Variants in TUT4 observed in about 807,000 individuals in gnomAD.
TUT4 encodes the protein terminal uridylyltransferase 4.
In TUT4, 36 loss-of-function variants were observed where a neutral mutation model predicts 192.2. That is an observed-to-expected ratio of 0.19 (90% CI 0.14 to 0.25). The LOEUF is 0.25. Among genes scored for constraint, TUT4 ranks in the 10% least tolerant of loss-of-function variants. TUT4 has a pLI of 1.00. For missense variants in TUT4, 1,493 were observed against 1,957.2 expected, an observed-to-expected ratio of 0.76 and a Z score of 4.47; for synonymous variants, 618 against 666.0, an observed-to-expected ratio of 0.93 and a Z score of 1.11.
chr1:52,516,176 A>G (rs1273316937), intron 2 of TUT4, 122 bp from the exon 3 acceptor site: 6 of 829,176 alleles, frequency 7.2e-6, no homozygotes, highest in Non-Finnish European at 1.1e-5. Flanking sequence ...TTTCCTTAGG[A>G]AAGTATACAA....
chr1:52,507,518 C>T (rs568411652), intron 4 of TUT4, among the ~76,000 whole-genome samples: 18 of 152,180 alleles, frequency 1.2e-4, no homozygotes, highest in African/African-American at 3.6e-4. Flanking sequence ...CACTGTTACT[C>T]TAACTTCACC....
intron 3 of TUT4, chr1:52,514,777 A>ATTTTTTTTT (rs34845083): frequency 7.4e-6 from 1 of 135,602 alleles, no homozygotes; most frequent in Non-Finnish European, 1.6e-5. Flanking sequence ...TTTATTTGTG[A>ATTTTTTTTT]TTTTTTTTTT....
chr1:52,495,410 A>T lies in TUT4; in HGVS notation c.1266+17T>A. On this transcript the variant is annotated intron_variant, in intron 6 of 29. Coordinates refer to ENST00000257177, the MANE Select transcript of TUT4 (RefSeq NM_001009881.3). ...GTACTAGTTAAGAACCACACAGGAA[A>T]GATTCTAATTACTTACCTTGGGAGG... 6.7e-7 allele frequency: 1 copy of T among 1,499,074 alleles called. No homozygotes were observed. Among genetic ancestry groups the T allele is most frequent in the Non-Finnish European group, 9.2e-7 (1 of 1,083,122 alleles). 92.9% of individuals were successfully genotyped at this position (1,499,074 alleles called of 1,614,324 possible).
intron 1 of TUT4, chr1:52,538,645 T>TA (rs372036890): frequency 0.096 from 6,880 of 71,742 alleles, 227 homozygotes; most frequent in African/African-American, 0.15. Context: ...AGACTCTGTC[T>TA]AAAAAAAAAA....
Position 52,526,272 on chromosome 1 carries a change from C to T in TUT4, c.9G>A (p.Glu3=), listed in dbSNP as rs1217637901. Residue 3 remains glutamate (E), a synonymous_variant, in exon 2 of 30, where the codon GAG becomes GAA. Coordinates refer to ENST00000257177, the MANE Select transcript of TUT4 (RefSeq NM_001009881.3). ME[E]SKTLKSENHE... The stretch of plus-strand genomic sequence containing the variant: ...GATTTTCACTTTTTAAGGTTTTAGA[C>T]TCTTCCATTATTTGAAAATCTGTTT... The T allele has an allele frequency of 1.3e-6, 2 of 1,531,278 alleles. No homozygotes were observed. Among genetic ancestry groups the T allele is most frequent in the South Asian group, 2.6e-5 (2 of 76,908 alleles). 94.9% of individuals were successfully genotyped at this position (1,531,278 alleles called of 1,614,324 possible).
intron 2 of TUT4, among the ~76,000 whole-genome samples, chr1:52,516,961 G>A (rs1678871906): frequency 6.6e-6 from 1 of 152,146 alleles, no homozygotes; most frequent in Non-Finnish European, 1.5e-5. Context: ...TAACTTACCT[G>A]TAACTCCAAC....
At position 52,526,140 on chromosome 1, in the gene TUT4, G is replaced by A. The variant is rs1681694850; in HGVS notation, c.141C>T (p.Asn47=). The A allele has an allele frequency of 6.2e-7, 1 of 1,612,490 alleles. No homozygotes were observed. Among genetic ancestry groups the A allele is most frequent in the Admixed American group, 1.7e-5 (1 of 59,818 alleles). The part of the protein sequence containing the change: ...RNDKSVKEIE[N]SSPNRNSSKK... ...TACTACTATTCCTATTTGGAGAGCT[G>A]TTCTCAATTTCTTTTACGGATTTAT... The change falls in exon 2 of 30, where the codon AAC becomes AAT. Residue 47 remains asparagine, a synonymous_variant. Coordinates refer to ENST00000257177, the MANE Select transcript of TUT4 (RefSeq NM_001009881.3).
At chr1:52,444,682 A>G (rs1469750828) in intron 24 of TUT4, among the ~76,000 whole-genome samples, 2 of 149,824 alleles carry the variant, frequency 1.3e-5, no homozygotes, top group Non-Finnish European at 1.5e-5. Flanking sequence ...TCCAGTGAAC[A>G]TAAGGCAAGC....
intron 28 of TUT4, among the ~76,000 whole-genome samples, chr1:52,426,618 T>C (rs1650047745): frequency 6.6e-6 from 1 of 152,152 alleles, no homozygotes; most frequent in Admixed American, 6.5e-5. Flanking sequence ...TCTCAGAAAG[T>C]AAGCAAACCA....
chr1:52,477,685 T>G (rs748890386), intron 12 of TUT4, 23 bp downstream of exon 12: 2 of 1,585,034 alleles, frequency 1.3e-6, no homozygotes, highest in African/African-American at 2.7e-5. Flanking sequence ...ATTCTCCAAA[T>G]GAAATACAAC....
Position 52,477,852 on chromosome 1 carries a change from C to A in TUT4, c.1879G>T (p.Val627Leu). 6.2e-7 allele frequency: 1 copy of A among 1,610,362 alleles called. No individual in the cohort carries two copies. Reference sequence around the variant, plus strand: ...TCTAACCATAACTGTCCCAAGGATACCCGATTTGGTGTTTCCAATGCTAAA... The same window carrying A: ...TCTAACCATAACTGTCCCAAGGATAACCGATTTGGTGTTTCCAATGCTAAA... ...SPLALETPNR[V>L]SLGQLWLELL... Residue 627 changes from valine to leucine, a missense_variant, in exon 12 of 30, where the codon GTA (valine) becomes TTA (leucine). Physicochemically the swap from Val to Leu is conservative, Grantham distance 32. This residue lies in a region of TUT4 where 437 missense variants were observed against 577.6 expected (regional missense o/e 0.76). Transcript: ENST00000257177.
chr1:52,488,762 C>T, intron 9 of TUT4, 147 bp downstream of exon 9: 1 of 817,634 alleles, frequency 1.2e-6, no homozygotes, highest in Non-Finnish European at 1.7e-6. Flanking sequence ...ACCTGCCACA[C>T]CAACTTTCTG....
intron 18 of TUT4, 83 bp from the exon 19 acceptor site, chr1:52,461,306 C>A (rs546141071): frequency 2.3e-6 from 3 of 1,310,808 alleles, no homozygotes; most frequent in South Asian, 2.8e-5. Flanking sequence ...AAATACACTC[C>A]AAATACAAAA....
intron 20 of TUT4, among the ~76,000 whole-genome samples, chr1:52,448,092 C>A (rs1264413250): frequency 1.3e-5 from 2 of 149,564 alleles, no homozygotes; most frequent in Non-Finnish European, 2.9e-5. Flanking sequence ...AAACCCAGAA[C>A]CCTACTAGAC....
chr1:52,453,815 G>C (rs1660116495), intron 20 of TUT4, among the ~76,000 whole-genome samples: 1 of 152,164 alleles, frequency 6.6e-6, no homozygotes, highest in Admixed American at 6.5e-5. Context: ...GTTCACATAT[G>C]ACATGATAAT....
intron 1 of TUT4, among the ~76,000 whole-genome samples, chr1:52,530,121 G>A (rs1337161935): frequency 1.3e-5 from 2 of 152,018 alleles, no homozygotes; most frequent in Non-Finnish European, 2.9e-5. Flanking sequence ...AGGACTACAG[G>A]CATGAGTCAC....
At chr1:52,481,960 C>T in intron 9 of TUT4, 37 bp from the exon 10 acceptor site, 2 of 1,426,408 alleles carry the variant, frequency 1.4e-6, no homozygotes, top group Non-Finnish European at 1.8e-6. Context: ...TACCATTTAG[C>T]TTTCTTAATT....
At chr1:52,468,344 C>G in intron 14 of TUT4, 77 bp from the exon 15 acceptor site, 1 of 1,163,750 alleles carries the variant, frequency 8.6e-7, no homozygotes, top group Non-Finnish European at 1.2e-6. Context: ...CAAGTTTTTA[C>G]CCTAAAAATT....
chr1:52,455,825 ACT>A (rs1660770883), intron 20 of TUT4, among the ~76,000 whole-genome samples: 1 of 151,866 alleles, frequency 6.6e-6, no homozygotes, highest in South Asian at 2.1e-4. Context: ...AGCAACAGGA[ACT>A]CTCACACATT....
Sources: allele counts gnomAD v4.1 joint callset (sites outside exome capture counted in the v4.1 genomes callset), GRCh38; gene constraint gnomAD v4.1.1; regional missense constraint gnomAD v4.1.1; transcripts MANE v1.5; gene names NCBI Gene and HGNC (gene_info 2026-07-23, HGNC 2026-07-21).